ZMYND11: variants seen among roughly 807,000 people sequenced by gnomAD.
The protein encoded by ZMYND11 is zinc finger MYND-type containing 11, also known as zinc finger MYND domain-containing protein 11.
ZMYND11 carries 9 observed loss-of-function variants against 84.9 expected under a neutral mutation model. The ratio of observed to expected loss-of-function variants is 0.11; its 90% CI spans 0.06 to 0.18. ZMYND11 has a LOEUF of 0.18. Ranked by LOEUF, ZMYND11 falls within the 10% of genes least tolerant of loss-of-function variation. The pLI, the probability that ZMYND11 is intolerant of heterozygous loss-of-function variation, is 1.00. For missense variants in ZMYND11, 409 were observed against 761.0 expected (o/e 0.54, Z 5.44); for synonymous variants, 250 against 244.1 (o/e 1.02, Z -0.23).
At chr10:196,905 C>T (rs1289858586) in intron 2 of ZMYND11, among the ~76,000 whole-genome samples, 1 of 152,214 alleles carries the variant, frequency 6.6e-6, no homozygotes, top group Admixed American at 6.5e-5. Flanking sequence ...GTCCAGGAAG[C>T]ACAGTCCCCC....
chr10:189,695 C>T (rs970460649), intron 2 of ZMYND11, among the ~76,000 whole-genome samples: 2 of 152,156 alleles, frequency 1.3e-5, no homozygotes, highest in Admixed American at 6.5e-5. Flanking sequence ...TGTTGTCTAG[C>T]TGTTTTCATG....
intron 1 of ZMYND11, among the ~76,000 whole-genome samples, chr10:137,310 C>T (rs1320162878): frequency 1.3e-5 from 2 of 151,948 alleles, no homozygotes; most frequent in African/African-American, 4.8e-5. Context: ...CATTCAGGAC[C>T]CTGCTGGTAG....
In ZMYND11 at chr10:247,337, T is replaced by C; in HGVS notation, c.1159-61T>C. On this transcript the variant is annotated intron_variant, in intron 11 of 14. Coordinates refer to ENST00000381604, the MANE Select transcript of ZMYND11 (RefSeq NM_001370100.5). ...TCACCTGTGGGTCCACTATGAGTGTTTTCAGCAGAGAAGTATTTTCTAGTG... is the reference window on the plus strand; with the variant it reads ...TCACCTGTGGGTCCACTATGAGTGTCTTCAGCAGAGAAGTATTTTCTAGTG... 1.3e-6 allele frequency: 2 copies of C among 1,578,346 alleles called. 1 individual carries two copies. The highest frequency in any genetic ancestry group is 1.7e-6 in the Non-Finnish European group (2 of 1,150,850).
intron 3 of ZMYND11, among the ~76,000 whole-genome samples, chr10:215,249 G>A (rs1945977454): frequency 6.6e-6 from 1 of 151,740 alleles, no homozygotes; most frequent in Non-Finnish European, 1.5e-5. Flanking sequence ...TACCAGGTTT[G>A]GTCTCACAGC....
Position 252,316 on chromosome 10 carries a change from G to C in ZMYND11, c.1687-32G>C, listed in dbSNP as rs1299250608. On this transcript the variant is annotated intron_variant, in intron 14 of 14. Coordinates refer to ENST00000381604, the MANE Select transcript of ZMYND11 (RefSeq NM_001370100.5). The surrounding 1 kb of genome is among the most constrained non-coding windows in gnomAD (Gnocchi z 4.6). ...CAGTCGCTTACACATCCACACCCAA[G>C]TCTAAAGACTGCCCCGATTTCTTAC... The C allele has an allele frequency of 1.2e-6, 2 of 1,612,202 alleles. No homozygotes were observed. Among genetic ancestry groups the C allele is most frequent in the African/African-American group, 1.3e-5 (1 of 74,848 alleles).
chr10:240,872 G>A (rs764881971), intron 8 of ZMYND11, 21 bp from the exon 9 acceptor site: 5 of 1,591,244 alleles, frequency 3.1e-6, no homozygotes, highest in Non-Finnish European at 3.4e-6. Context: ...GTAGGCTAAA[G>A]TAGTTTCTTT....
At chr10:181,743 A>G (rs1368563265) in intron 2 of ZMYND11, among the ~76,000 whole-genome samples, 1 of 152,176 alleles carries the variant, frequency 6.6e-6, no homozygotes, top group Non-Finnish European at 1.5e-5. Context: ...AGCTATGTAC[A>G]ACTCCTTGCT....
At chr10:235,009 T>TGTGA (rs1214254104) in intron 4 of ZMYND11, among the ~76,000 whole-genome samples, 5 of 151,552 alleles carry the variant, frequency 3.3e-5, no homozygotes, top group South Asian at 2.1e-4. Flanking sequence ...TGTGTGTGTG[T>TGTGA]GAAAAGCACT....
intron 2 of ZMYND11, among the ~76,000 whole-genome samples, chr10:195,384 A>G (rs974143503): frequency 2.0e-5 from 3 of 152,218 alleles, no homozygotes; most frequent in African/African-American, 7.2e-5. Flanking sequence ...TAAAAAATAA[A>G]AATAATGTTC....
chr10:254,167 A>AAGAAG lies in ZMYND11; in HGVS notation c.*1697_*1698insAGAAG, dbSNP rs1256929138. On this transcript the variant is annotated 3_prime_UTR_variant, in exon 15 of 15. Transcript: ENST00000381604. ...CTTAACCTTCTTTGATTGTTTTTCA[A>AAGAAG]GTTTTAAGACTTCGATCCACCCCTA... is the stretch of plus-strand genomic sequence containing the variant. 2 of 152,584 alleles carry AAGAAG rather than the reference A, an allele frequency of 1.3e-5. No homozygotes were observed. Among genetic ancestry groups the AAGAAG allele is most frequent in the Non-Finnish European group, 2.9e-5 (2 of 68,026 alleles). 9.5% of individuals were successfully genotyped at this position (152,584 alleles called of 1,614,324 possible). A position where few individuals can be genotyped will look rare whatever the true frequency, so the allele number is the denominator to read the frequency against.
intron 4 of ZMYND11, among the ~76,000 whole-genome samples, chr10:230,277 A>G (rs1564421978): frequency 6.6e-6 from 1 of 151,998 alleles, no homozygotes; most frequent in Admixed American, 6.6e-5. Flanking sequence ...GTTCAAGACA[A>G]TCCTGGCCAA....
chr10:139,704 C>CTTTTTTT (rs67915368), intron 1 of ZMYND11, among the ~76,000 whole-genome samples: 12 of 80,264 alleles, frequency 1.5e-4, no homozygotes, highest in Middle Eastern at 8.5e-3. Context: ...ACACATGGTC[C>CTTTTTTT]TTTTTTTTTT....
chr10:219,287 C>T (rs1326368340), intron 3 of ZMYND11, among the ~76,000 whole-genome samples: 2 of 152,046 alleles, frequency 1.3e-5, no homozygotes, highest in Non-Finnish European at 2.9e-5. Flanking sequence ...GTTAATTAAC[C>T]TAGTAACTAC....
intron 4 of ZMYND11, among the ~76,000 whole-genome samples, chr10:229,887 G>A (rs551533839): frequency 1.6e-4 from 25 of 152,152 alleles, no homozygotes; most frequent in African/African-American, 5.5e-4. Context: ...GGGCCTAGAC[G>A]ATATTACAGA....
chr10:156,080 T>C (rs782351508), intron 1 of ZMYND11, among the ~76,000 whole-genome samples: 1 of 152,218 alleles, frequency 6.6e-6, no homozygotes, highest in Non-Finnish European at 1.5e-5. Flanking sequence ...TATTTGTCTC[T>C]GTGTGGAGAC....
At chr10:168,131 AACTG>A (rs1844443551) in intron 1 of ZMYND11, among the ~76,000 whole-genome samples, 1 of 152,150 alleles carries the variant, frequency 6.6e-6, no homozygotes, top group Non-Finnish European at 1.5e-5. Context: ...TGCTTTAAAA[AACTG>A]ACAATACTGC....
At chr10:143,349 A>G (rs1054881489) in intron 1 of ZMYND11, among the ~76,000 whole-genome samples, 1 of 152,134 alleles carries the variant, frequency 6.6e-6, no homozygotes, top group African/African-American at 2.4e-5. Context: ...TGAATTTTTT[A>G]GTTTTCTCTT....
At chr10:176,723 T>G (rs1465228676) in intron 1 of ZMYND11, among the ~76,000 whole-genome samples, 1 of 152,186 alleles carries the variant, frequency 6.6e-6, no homozygotes, top group East Asian at 1.9e-4. Flanking sequence ...TTATTTGGTT[T>G]GATTCCAGGA....
intron 13 of ZMYND11, 47 bp from the exon 14 acceptor site, chr10:248,856 G>T (rs763497919): frequency 2.6e-6 from 4 of 1,567,198 alleles, no homozygotes; most frequent in Non-Finnish European, 3.5e-6. Flanking sequence ...TAGATGGTCT[G>T]TGTTAAGTTG....
Sources: gnomAD v4.1 joint callset for allele counts (sites outside exome capture counted in the v4.1 genomes callset) on GRCh38, gnomAD v4.1.1 for gene constraint, Gnocchi (gnomAD v3.1) non-coding constraint, MANE v1.5 for transcripts, NCBI Gene and HGNC (gene_info 2026-07-23, HGNC 2026-07-21) for gene names.